The following IQCH variants were observed in gnomAD, a reference collection of about 807,000 sequenced individuals.
IQCH encodes IQ domain-containing protein H.
Under a neutral mutation model 117.0 loss-of-function variants are expected in IQCH, and 98 were observed. The ratio of observed to expected loss-of-function variants is 0.84; its 90% CI spans 0.71 to 0.99. IQCH has a LOEUF of 0.99. Ranked by LOEUF, IQCH falls within the 50% of genes least tolerant of loss-of-function variation. The pLI is 0.00. For synonymous variants in IQCH, 412 were observed against 448.2 expected (o/e 0.92, Z 1.02); for missense variants, 1,102 against 1,243.8 (o/e 0.89, Z 1.72).
intron 18 of IQCH, among the ~76,000 whole-genome samples, chr15:67,487,981 C>A (rs943714080): frequency 6.6e-6 from 1 of 152,052 alleles, no homozygotes; most frequent in Non-Finnish European, 1.5e-5. Flanking sequence ...CCATGCCTCT[C>A]CTACAGATGT....
At chr15:67,335,337 C>T (rs1968844208) in intron 4 of IQCH, among the ~76,000 whole-genome samples, 1 of 152,138 alleles carries the variant, frequency 6.6e-6, no homozygotes, top group South Asian at 2.1e-4. Flanking sequence ...TTGAGAAAAT[C>T]CGGATAAATT....
intron 3 of IQCH, among the ~76,000 whole-genome samples, chr15:67,278,816 T>C (rs1645567612): frequency 6.6e-6 from 1 of 152,206 alleles, no homozygotes; most frequent in Admixed American, 6.5e-5. Flanking sequence ...TGAACTTGCT[T>C]TCAAATTAAA....
At chr15:67,297,189 A>T (rs184869663) in intron 4 of IQCH, among the ~76,000 whole-genome samples, 27 of 152,322 alleles carry the variant, frequency 1.8e-4, no homozygotes, top group Admixed American at 3.9e-4. Flanking sequence ...AGAGCATAGA[A>T]TGTTAGAGCT....
intron 3 of IQCH, among the ~76,000 whole-genome samples, chr15:67,275,146 T>G (rs1028051909): frequency 6.6e-6 from 1 of 152,202 alleles, no homozygotes; most frequent in Non-Finnish European, 1.5e-5. Context: ...TCAGGGATAT[T>G]TGTCCCTTCA....
At chr15:67,270,139 C>T (rs1965842392) in intron 3 of IQCH, among the ~76,000 whole-genome samples, 1 of 152,128 alleles carries the variant, frequency 6.6e-6, no homozygotes, top group Non-Finnish European at 1.5e-5. Flanking sequence ...TTAGGTTTTT[C>T]TGAATATAAG....
In IQCH at chr15:67,416,283, C is replaced by T. The variant is rs1420251392; in HGVS notation, c.2098-648C>T. Among the ~76,000 whole-genome samples, 4 of 151,876 alleles carry T rather than the reference C, an allele frequency of 2.6e-5. No homozygotes were observed. The highest frequency in any genetic ancestry group is 4.8e-5 in the African/African-American group (2 of 41,388). On this transcript the variant is annotated intron_variant, in intron 14 of 20. Coordinates refer to ENST00000335894, the MANE Select transcript of IQCH (RefSeq NM_001031715.3). The surrounding 1 kb of genome is among the most constrained non-coding windows in gnomAD (Gnocchi z 5.1). ...CTGTAATCCCAGCACTTTGGGAGGCCGAGGCGGGCGGATCACCTGAGGTCG... is the reference window on the plus strand; with the variant it reads ...CTGTAATCCCAGCACTTTGGGAGGCTGAGGCGGGCGGATCACCTGAGGTCG...
chr15:67,485,212 T>C (rs557610307), intron 18 of IQCH, among the ~76,000 whole-genome samples: 1 of 152,304 alleles, frequency 6.6e-6, no homozygotes, highest in Admixed American at 6.5e-5. Context: ...TATGTTCATG[T>C]CACCAAAGAC....
At chr15:67,337,879 C>G (rs1968965071) in intron 5 of IQCH, among the ~76,000 whole-genome samples, 1 of 152,142 alleles carries the variant, frequency 6.6e-6, no homozygotes, top group African/African-American at 2.4e-5. Context: ...AGCTGGTTCC[C>G]AAAGGTTCTT....
At position 67,436,502 on chromosome 15, in the gene IQCH, T is replaced by C. The variant is rs1221503274; in HGVS notation, c.2505+14925T>C. 6.6e-6 allele frequency among the ~76,000 whole-genome samples: 1 copy of C among 152,066 alleles called. No homozygotes were observed. Among genetic ancestry groups the C allele is most frequent in the Non-Finnish European group, 1.5e-5 (1 of 68,006 alleles). Reference sequence around the variant, plus strand: ...TGGCCAGAGAAGCAGGCGGTAAATCTCCACAGGGAGAAGGAATTCTCTAGC... The same window carrying C: ...TGGCCAGAGAAGCAGGCGGTAAATCCCCACAGGGAGAAGGAATTCTCTAGC... On this transcript the variant is annotated intron_variant, in intron 16 of 20. Transcript: ENST00000335894. This position sits in a 1 kb window ranked among gnomAD's most constrained non-coding sequence, Gnocchi z 5.1.
chr15:67,438,485 T>C (rs1345314741), intron 16 of IQCH, among the ~76,000 whole-genome samples: 2 of 151,958 alleles, frequency 1.3e-5, no homozygotes, highest in African/African-American at 4.8e-5. Context: ...AAAACAAAAA[T>C]ACAAGTTAAA....
At chr15:67,260,675 A>G (rs1306157879) in intron 1 of IQCH, among the ~76,000 whole-genome samples, 1 of 152,244 alleles carries the variant, frequency 6.6e-6, no homozygotes, top group Admixed American at 6.5e-5. Context: ...CCACTTAAGA[A>G]AGTAGAAACT....
chr15:67,401,848 T>C lies in IQCH; in HGVS notation c.2097+1543T>C, dbSNP rs1971672630. Among the ~76,000 whole-genome samples the C allele has an allele frequency of 6.6e-6, 1 of 152,208 alleles. No individual in the cohort carries two copies. Among genetic ancestry groups the C allele is most frequent in the African/African-American group, 2.4e-5 (1 of 41,452 alleles). Reference sequence around the variant, plus strand: ...GCCCATAGAGATTTCCCTTATATTCTCTTTGAACTGGATTTTATTTCGTAT... The same window carrying C: ...GCCCATAGAGATTTCCCTTATATTCCCTTTGAACTGGATTTTATTTCGTAT... On this transcript the variant is annotated intron_variant, in intron 14 of 20. Coordinates refer to ENST00000335894, the MANE Select transcript of IQCH (RefSeq NM_001031715.3). This position sits in a 1 kb window ranked among gnomAD's most constrained non-coding sequence, Gnocchi z 4.7.
chr15:67,420,908 A>G (rs1008947336), intron 15 of IQCH, among the ~76,000 whole-genome samples: 3 of 152,216 alleles, frequency 2.0e-5, no homozygotes, highest in Admixed American at 6.5e-5. Flanking sequence ...GGTAATCAAG[A>G]TGTCAACTGT....
In IQCH at chr15:67,400,219, A is replaced by G. The variant is rs1373810674; in HGVS notation, c.2011A>G (p.Ile671Val). The change falls in exon 14 of 21, where the codon ATT (isoleucine) becomes GTT (valine). Residue 671 changes from isoleucine (I) to valine (V), a missense_variant. Ile to Val is a conservative substitution (Grantham distance 29). Transcript: ENST00000335894. ...AGGAAATGGGACTGCATTTTGTGATATTCCTTCCTACCTAAAGTGCTACAA... is the reference window on the plus strand; with the variant it reads ...AGGAAATGGGACTGCATTTTGTGATGTTCCTTCCTACCTAAAGTGCTACAA... ...FRGNGTAFCD[I>V]PSYLKCYKWV... 21 of 1,613,578 alleles carry G rather than the reference A, an allele frequency of 1.3e-5. No homozygotes were observed. The East Asian group carries it at 4.7e-4, about 36-fold the overall frequency.
chr15:67,255,245 T>C (rs1411267152), intron 1 of IQCH: 3 of 470,808 alleles, frequency 6.4e-6, no homozygotes, highest in Non-Finnish European at 1.2e-5. Flanking sequence ...GAGGCATCAT[T>C]TTTAAATGTT....
Position 67,426,390 on chromosome 15 carries a change from G to A in IQCH, c.2505+4813G>A, listed in dbSNP as rs74020184. 4.8e-4 allele frequency among the ~76,000 whole-genome samples: 73 copies of A among 152,096 alleles called. 2 individuals carry two copies. The East Asian group carries it at 5.8e-3, about 12-fold the overall frequency. Reference sequence around the variant, plus strand: ...CTCCAATTTCAATCCAGCACCTCAAGGTTCTTTCTAGAATTCCCCTTTTCC... The same window carrying A: ...CTCCAATTTCAATCCAGCACCTCAAAGTTCTTTCTAGAATTCCCCTTTTCC... On this transcript the variant is annotated intron_variant, in intron 16 of 20. Coordinates refer to ENST00000335894, the MANE Select transcript of IQCH (RefSeq NM_001031715.3). This position sits in a 1 kb window ranked among gnomAD's most constrained non-coding sequence, Gnocchi z 5.1.
At position 67,386,751 on chromosome 15, in the gene IQCH, A is replaced by G. The variant is rs1020594262; in HGVS notation, c.1456+1732A>G. ...GAGTTCAGCAAGGAAGTGACTGATT[A>G]CTGACCAGCAATCAAAGAAAGTTTC... On this transcript the variant is annotated intron_variant, in intron 11 of 20. Transcript: ENST00000335894. This position sits in a 1 kb window ranked among gnomAD's most constrained non-coding sequence, Gnocchi z 5.0. 6.6e-5 allele frequency among the ~76,000 whole-genome samples: 10 copies of G among 152,144 alleles called. No homozygotes were observed. The highest frequency in any genetic ancestry group is 2.4e-4 in the African/African-American group (10 of 41,444).
chr15:67,286,020 T>G (rs1042285110), intron 4 of IQCH, among the ~76,000 whole-genome samples: 5 of 152,200 alleles, frequency 3.3e-5, no homozygotes, highest in Non-Finnish European at 4.4e-5. Context: ...TGTAGATTGC[T>G]TTGGGTACTA....
At chr15:67,460,254 T>C (rs376341296) in intron 16 of IQCH, among the ~76,000 whole-genome samples, 7 of 152,244 alleles carry the variant, frequency 4.6e-5, no homozygotes, top group African/African-American at 1.7e-4. Flanking sequence ...AGTGCAGATC[T>C]AGAATATACA....
Sources: allele counts gnomAD v4.1 joint callset (sites outside exome capture counted in the v4.1 genomes callset), GRCh38; gene constraint gnomAD v4.1.1; non-coding constraint Gnocchi (gnomAD v3.1); transcripts MANE v1.5; gene names NCBI Gene and HGNC (gene_info 2026-07-23, HGNC 2026-07-21).